The following NHS variants were observed in gnomAD, a reference collection of about 807,000 sequenced individuals.
NHS encodes actin remodeling regulator NHS.
NHS carries 5 observed loss-of-function variants against 72.5 expected under a neutral mutation model. The observed-to-expected ratio is 0.07, with a 90% confidence interval of 0.04 to 0.14. NHS has a LOEUF of 0.14. NHS is among the 10% of genes least tolerant of loss of function. The probability of loss-of-function intolerance (pLI) is 1.00; values close to 1 mark genes in which losing one functional copy is unlikely to be tolerated. For synonymous variants in NHS, 464 were observed against 547.7 expected, an observed-to-expected ratio of 0.85 and a Z score of 2.13; for missense variants, 1,072 against 1,355.7, an observed-to-expected ratio of 0.79 and a Z score of 3.29.
intron 1 of NHS, among the ~76,000 whole-genome samples, chrX:17,677,378 C>T (rs906472898): frequency 9.0e-6 from 1 of 111,684 alleles, no homozygotes; most frequent in East Asian, 2.8e-4. Flanking sequence ...CTTTGCCAAG[C>T]GACTGCCACC....
chrX:17,732,043 C>T lies in NHS; in HGVS notation c.4535C>T (p.Thr1512Ile). ...TACCGAAATGCCAAAAAGTCCAACA[C>T]ATCCAATGAAGAGTTTAAGCTGTTA... is the stretch of plus-strand genomic sequence containing the variant. ...LIYRNAKKSNTSNEEFKLLLL... is the reference protein window; with the variant it reads ...LIYRNAKKSNISNEEFKLLLL... The change falls in exon 9 of 9, where the codon ACA becomes ATA. Residue 1512 changes from threonine to isoleucine, a missense_variant. Physicochemically the swap from Thr to Ile is moderately conservative, Grantham distance 89. Transcript: ENST00000676302. The T allele has an allele frequency of 1.7e-6, 2 of 1,211,504 alleles. No individual in the cohort carries two copies. Among genetic ancestry groups the T allele is most frequent in the South Asian group, 1.8e-5 (1 of 56,928 alleles).
chrX:17,533,981 C>T (rs748701850), intron 1 of NHS, among the ~76,000 whole-genome samples: 1 of 112,881 alleles, frequency 8.9e-6, no homozygotes, highest in South Asian at 3.6e-4. Flanking sequence ...AATTACAAAA[C>T]CTAATTAAGG....
At chrX:17,635,454 C>G in intron 1 of NHS, 1 of 1,166,096 alleles carries the variant, frequency 8.6e-7, no homozygotes, top group Non-Finnish European at 1.1e-6. Flanking sequence ...CCCTCCATCC[C>G]CCCCGCCGTG....
chrX:17,456,423 G>C (rs149969627), intron 1 of NHS, among the ~76,000 whole-genome samples: 104 of 111,995 alleles, frequency 9.3e-4, no homozygotes, highest in African/African-American at 3.1e-3. Context: ...AGAGGAAAGA[G>C]AGTTGAGCTG....
intron 1 of NHS, among the ~76,000 whole-genome samples, chrX:17,588,929 G>A (rs779522522): frequency 2.7e-5 from 3 of 111,687 alleles, no homozygotes; most frequent in Non-Finnish European, 5.6e-5. Context: ...TGCATTTGAA[G>A]CCAAACTTTG....
At chrX:17,416,886 C>A (rs141855382) in intron 1 of NHS, among the ~76,000 whole-genome samples, 1 of 107,531 alleles carries the variant, frequency 9.3e-6, no homozygotes, top group Non-Finnish European at 1.9e-5. Flanking sequence ...GCAGTTACTG[C>A]GATTGGTGTA....
intron 3 of NHS, among the ~76,000 whole-genome samples, chrX:17,704,654 C>A (rs2147124541): frequency 9.0e-6 from 1 of 111,530 alleles, no homozygotes; most frequent in South Asian, 3.8e-4. Context: ...ACTGACTGGG[C>A]AGAATGGAGG....
At chrX:17,525,525 C>A (rs1375523734) in intron 1 of NHS, among the ~76,000 whole-genome samples, 1 of 109,491 alleles carries the variant, frequency 9.1e-6, no homozygotes, top group African/African-American at 3.3e-5. Flanking sequence ...TTGTTTTTTT[C>A]TTTATTGATT....
intron 1 of NHS, among the ~76,000 whole-genome samples, chrX:17,572,655 T>C (rs917729429): frequency 2.5e-4 from 28 of 110,641 alleles, no homozygotes; most frequent in African/African-American, 8.6e-4. Flanking sequence ...TGTCTTTTAA[T>C]TGGGGGCATT....
intron 1 of NHS, among the ~76,000 whole-genome samples, chrX:17,468,929 GT>G (rs1400701037): frequency 1.8e-5 from 2 of 111,465 alleles, no homozygotes; most frequent in African/African-American, 6.5e-5. Context: ...AGCTTGGTGA[GT>G]TTTACCAACG....
At chrX:17,696,938 C>T (rs952462833) in intron 3 of NHS, among the ~76,000 whole-genome samples, 1 of 111,460 alleles carries the variant, frequency 9.0e-6, no homozygotes, top group Non-Finnish European at 1.9e-5. Context: ...TGAGGGAGGG[C>T]AGATTCAGAA....
intron 1 of NHS, among the ~76,000 whole-genome samples, chrX:17,422,766 T>C (rs187934762): frequency 8.9e-6 from 1 of 112,353 alleles, no homozygotes; most frequent in Non-Finnish European, 1.9e-5. Context: ...GGGTACTTTC[T>C]GATAAGAAGA....
intron 1 of NHS, among the ~76,000 whole-genome samples, chrX:17,593,701 G>A (rs2065613237): frequency 8.9e-6 from 1 of 111,830 alleles, no homozygotes; most frequent in African/African-American, 3.3e-5. Flanking sequence ...ATTCCCAAAG[G>A]TAGAGGTATG....
intron 1 of NHS, among the ~76,000 whole-genome samples, chrX:17,629,615 A>G (rs765782495): frequency 7.2e-5 from 8 of 111,714 alleles, no homozygotes; most frequent in African/African-American, 2.6e-4. Context: ...GGCCTGGTGG[A>G]TGGAGGTTGG....
At chrX:17,446,480 C>T (rs1008202259) in intron 1 of NHS, among the ~76,000 whole-genome samples, 2 of 109,458 alleles carry the variant, frequency 1.8e-5, no homozygotes, top group African/African-American at 3.3e-5. Flanking sequence ...CTCAAAAGCT[C>T]CCCTACTGAG....
intron 2 of NHS, among the ~76,000 whole-genome samples, chrX:17,690,083 C>T (rs2066186729): frequency 8.9e-6 from 1 of 111,821 alleles, no homozygotes; most frequent in Non-Finnish European, 1.9e-5. Context: ...TTACCCTCCA[C>T]AGACTGGCTT....
In NHS at chrX:17,734,005, C is replaced by T. The variant is rs1024486152; in HGVS notation, c.*1541C>T. 2 of 112,391 alleles carry T rather than the reference C, an allele frequency of 1.8e-5. No homozygotes were observed. The highest frequency in any genetic ancestry group is 3.8e-5 in the Non-Finnish European group (2 of 53,266). The allele number at this position is 112,391 out of a possible 1,213,427, so 9.3% of individuals were successfully genotyped here. A position where few individuals can be genotyped will look rare whatever the true frequency, so the allele number is the denominator to read the frequency against. On this transcript the variant is annotated 3_prime_UTR_variant, in exon 9 of 9. Coordinates refer to ENST00000676302, the MANE Select transcript of NHS (RefSeq NM_001291867.2). ...TTTACACCTCTGATTTTAACATGAA[C>T]TTATACTAATGTTTGGAATCTTATG...
At chrX:17,641,155 G>T (rs1442865792) in intron 1 of NHS, among the ~76,000 whole-genome samples, 1 of 111,321 alleles carries the variant, frequency 9.0e-6, no homozygotes, top group Non-Finnish European at 1.9e-5. Flanking sequence ...AGACATCATG[G>T]GTAAGAAGAG....
At chrX:17,657,349 C>T (rs772263425) in intron 1 of NHS, among the ~76,000 whole-genome samples, 1 of 113,102 alleles carries the variant, frequency 8.8e-6, no homozygotes, top group Non-Finnish European at 1.9e-5. Context: ...TTTTATTTTA[C>T]AGTTTCTTGC....
Sources: allele counts gnomAD v4.1 joint callset (sites outside exome capture counted in the v4.1 genomes callset), GRCh38; gene constraint gnomAD v4.1.1; transcripts MANE v1.5; gene names NCBI Gene and HGNC (gene_info 2026-07-23, HGNC 2026-07-21).